Variants in TMEM132B observed in about 807,000 individuals in gnomAD.
The protein encoded by TMEM132B is transmembrane protein 132B.
In TMEM132B, 18 loss-of-function variants were observed where a neutral mutation model predicts 90.8. That is an observed-to-expected ratio of 0.20 (90% confidence interval 0.14 to 0.29). The LOEUF (loss-of-function observed/expected upper bound fraction) is 0.29, where lower values mean the gene tolerates loss of function less well. Among genes scored for constraint, TMEM132B ranks in the 10% least tolerant of loss-of-function variants. The pLI is 1.00. For missense variants in TMEM132B, 1,096 were observed against 1,326.8 expected, an observed-to-expected ratio of 0.83 and a Z score of 2.70; for synonymous variants, 504 against 523.3, an observed-to-expected ratio of 0.96 and a Z score of 0.50.
At chr12:125,493,665 T>C (rs1882416121) in intron 3 of TMEM132B, among the ~76,000 whole-genome samples, 1 of 152,072 alleles carries the variant, frequency 6.6e-6, no homozygotes, top group Non-Finnish European at 1.5e-5. Flanking sequence ...CTGGCATTGA[T>C]GGGAGACCAG....
At chr12:125,448,880 G>C (rs1167268712) in intron 3 of TMEM132B, among the ~76,000 whole-genome samples, 1 of 151,544 alleles carries the variant, frequency 6.6e-6, no homozygotes, top group African/African-American at 2.4e-5. Flanking sequence ...GTATATAGGG[G>C]TATCTTACTG....
chr12:125,346,735 A>T (rs1007297571), intron 1 of TMEM132B, among the ~76,000 whole-genome samples: 2 of 152,212 alleles, frequency 1.3e-5, no homozygotes, highest in African/African-American at 4.8e-5. Context: ...AAATCCTGCC[A>T]AGCCTGTATG....
At chr12:125,243,291 C>T (rs981115225) in intron 1 of TMEM132B, among the ~76,000 whole-genome samples, 1 of 150,898 alleles carries the variant, frequency 6.6e-6, no homozygotes, top group African/African-American at 2.4e-5. Flanking sequence ...TACAGGCACC[C>T]GCCACCATGG....
intron 3 of TMEM132B, among the ~76,000 whole-genome samples, chr12:125,418,571 C>T (rs766765608): frequency 2.0e-5 from 3 of 152,126 alleles, no homozygotes; most frequent in Non-Finnish European, 2.9e-5. Context: ...GCTCGTGGAC[C>T]GTGCTTGCCA....
chr12:125,485,714 C>T (rs577070376), intron 3 of TMEM132B, among the ~76,000 whole-genome samples: 131 of 152,202 alleles, frequency 8.6e-4, no homozygotes, highest in Non-Finnish European at 1.6e-3. Context: ...GTATATTCTC[C>T]GGAAGCTTTG....
At chr12:125,345,880 A>G (rs1225670240) in intron 1 of TMEM132B, among the ~76,000 whole-genome samples, 1 of 152,146 alleles carries the variant, frequency 6.6e-6, no homozygotes. Flanking sequence ...CACACGGTCT[A>G]CCTGCCAATG....
intron 2 of TMEM132B, among the ~76,000 whole-genome samples, chr12:125,351,198 A>G (rs1877568022): frequency 6.6e-6 from 1 of 152,236 alleles, no homozygotes; most frequent in Admixed American, 6.5e-5. Context: ...GTGATGTCTC[A>G]ACTCTGCTGT....
intron 1 of TMEM132B, among the ~76,000 whole-genome samples, chr12:125,190,935 C>T (rs188432567): frequency 0.028 from 135 of 4,892 alleles, 21 homozygotes; most frequent in Middle Eastern, 0.1. Flanking sequence ...GTGATGGTGA[C>T]GGGGAAGGGG....
At chr12:125,582,716 G>C (rs1885082434) in intron 4 of TMEM132B, among the ~76,000 whole-genome samples, 1 of 152,176 alleles carries the variant, frequency 6.6e-6, no homozygotes, top group Non-Finnish European at 1.5e-5. Context: ...TGGATTTATT[G>C]CATGCTTGTT....
intron 1 of TMEM132B, among the ~76,000 whole-genome samples, chr12:125,323,544 G>T (rs1296040588): frequency 6.6e-6 from 1 of 151,998 alleles, no homozygotes; most frequent in East Asian, 1.9e-4. Context: ...TTGAGACAGG[G>T]TCTCTCTTGG....
intron 1 of TMEM132B, among the ~76,000 whole-genome samples, chr12:125,286,407 C>T (rs987782123): frequency 3.3e-5 from 5 of 152,150 alleles, no homozygotes; most frequent in Non-Finnish European, 5.9e-5. Context: ...TCAGTTTCTA[C>T]ATATAGAGAA....
chr12:125,371,195 C>G (rs1207190385), intron 2 of TMEM132B, among the ~76,000 whole-genome samples: 6 of 152,212 alleles, frequency 3.9e-5, no homozygotes, highest in Non-Finnish European at 8.8e-5. Flanking sequence ...CATGCTTTCT[C>G]TAGCCACACT....
chr12:125,315,181 C>T (rs1043292146), intron 1 of TMEM132B, among the ~76,000 whole-genome samples: 11 of 152,212 alleles, frequency 7.2e-5, no homozygotes, highest in Non-Finnish European at 1.5e-4. Context: ...TACGCGAAGG[C>T]GCATAACAGT....
intron 1 of TMEM132B, among the ~76,000 whole-genome samples, chr12:125,345,967 A>G (rs1877348435): frequency 6.6e-6 from 1 of 152,182 alleles, no homozygotes; most frequent in South Asian, 2.1e-4. Context: ...ATTTCTCAGG[A>G]CACAGTCCCG....
At chr12:125,609,165 C>T (rs566662895) in intron 5 of TMEM132B, among the ~76,000 whole-genome samples, 1 of 152,252 alleles carries the variant, frequency 6.6e-6, no homozygotes, top group South Asian at 2.1e-4. Context: ...CTTGGTCCCG[C>T]CCTTGACTCG....
At chr12:125,198,296 A>G (rs1265538673) in intron 1 of TMEM132B, among the ~76,000 whole-genome samples, 1 of 152,230 alleles carries the variant, frequency 6.6e-6, no homozygotes, top group Non-Finnish European at 1.5e-5. Context: ...GGGAAATTTA[A>G]GAGGGAAATG....
chr12:125,517,886 C>T (rs1021724058), intron 3 of TMEM132B, among the ~76,000 whole-genome samples: 1 of 152,202 alleles, frequency 6.6e-6, no homozygotes, highest in African/African-American at 2.4e-5. Flanking sequence ...CCAAGGGCCA[C>T]ATGTGGCTGG....
At chr12:125,465,181 T>C (rs1881532329) in intron 3 of TMEM132B, among the ~76,000 whole-genome samples, 1 of 152,236 alleles carries the variant, frequency 6.6e-6, no homozygotes, top group Non-Finnish European at 1.5e-5. Flanking sequence ...TATTTAACAT[T>C]TCTGGACCTG....
At chr12:125,387,109 G>A (rs1878859573) in intron 2 of TMEM132B, among the ~76,000 whole-genome samples, 1 of 120,076 alleles carries the variant, frequency 8.3e-6, no homozygotes, top group Admixed American at 1.2e-4. Flanking sequence ...ACAGAAAGAA[G>A]TCTTCTATCT....
Sources: gnomAD v4.1 joint callset for allele counts (sites outside exome capture counted in the v4.1 genomes callset) on GRCh38, gnomAD v4.1.1 for gene constraint, MANE v1.5 for transcripts, NCBI Gene and HGNC (gene_info 2026-07-23, HGNC 2026-07-21) for gene names.